The following CLEC16A variants were observed in gnomAD, a reference collection of about 807,000 sequenced individuals.
The protein encoded by CLEC16A is C-type lectin domain containing 16A.
In CLEC16A, 51 loss-of-function variants were observed where a neutral mutation model predicts 109.5. The observed-to-expected ratio is 0.47, with a 90% CI of 0.37 to 0.59. CLEC16A has a LOEUF of 0.59. Ranked by LOEUF, CLEC16A falls within the 20% of genes least tolerant of loss-of-function variation. CLEC16A has a pLI of 0.00. For missense variants in CLEC16A, 1,339 were observed against 1,394.0 expected, an observed-to-expected ratio of 0.96 and a Z score of 0.63; for synonymous variants, 673 against 564.2, an observed-to-expected ratio of 1.19 and a Z score of -2.73.
intron 13 of CLEC16A, among the ~76,000 whole-genome samples, chr16:11,029,459 C>CCAGACTCTGCCTTCTCTGAGAGAACCA (rs144576676): frequency 0.021 from 3,191 of 152,242 alleles, 42 homozygotes; most frequent in Non-Finnish European, 0.031. Flanking sequence ...TCCCTGAACT[C>CCAGACTCTGCCTTCTCTGAGAGAACCA]CAGACTCTGC....
intron 19 of CLEC16A, among the ~76,000 whole-genome samples, chr16:11,091,902 G>T (rs947398727): frequency 6.6e-6 from 1 of 152,080 alleles, no homozygotes; most frequent in Non-Finnish European, 1.5e-5. Flanking sequence ...TAAGTAACAG[G>T]TACTCAGCAG....
intron 11 of CLEC16A, among the ~76,000 whole-genome samples, chr16:11,007,830 G>A: frequency 6.6e-6 from 1 of 152,042 alleles, no homozygotes; most frequent in Non-Finnish European, 1.5e-5. Flanking sequence ...GTGTGTAATG[G>A]TGGGAAGAGA....
At chr16:10,998,831 C>T (rs760915541) in intron 10 of CLEC16A, among the ~76,000 whole-genome samples, 2 of 152,030 alleles carry the variant, frequency 1.3e-5, no homozygotes, top group African/African-American at 2.4e-5. Flanking sequence ...GGACAGGGGC[C>T]CTTCTCCTAG....
intron 10 of CLEC16A, among the ~76,000 whole-genome samples, chr16:11,000,129 C>T (rs1313922992): frequency 1.3e-5 from 2 of 152,220 alleles, no homozygotes; most frequent in South Asian, 2.1e-4. Context: ...TGAGCCACCA[C>T]GCCCGGCCTC....
chr16:10,993,048 T>G (rs2044122774), intron 10 of CLEC16A, among the ~76,000 whole-genome samples: 2 of 151,972 alleles, frequency 1.3e-5, no homozygotes, highest in African/African-American at 4.8e-5. Flanking sequence ...AGGCCAGCAT[T>G]CAAGAAATAT....
chr16:11,165,855 A>C (rs897573838), intron 22 of CLEC16A, among the ~76,000 whole-genome samples: 1 of 152,174 alleles, frequency 6.6e-6, no homozygotes, highest in African/African-American at 2.4e-5. Context: ...GTTGTTCCTG[A>C]ACCTGACTTC....
chr16:11,030,053 T>C (rs1297954888), intron 13 of CLEC16A, among the ~76,000 whole-genome samples: 2 of 152,266 alleles, frequency 1.3e-5, no homozygotes, highest in East Asian at 3.8e-4. Context: ...ATGTTGTGTG[T>C]ATCTGTAGTT....
chr16:11,090,919 C>G (rs1257669182), intron 19 of CLEC16A, among the ~76,000 whole-genome samples: 1 of 151,316 alleles, frequency 6.6e-6, no homozygotes, highest in Non-Finnish European at 1.5e-5. Flanking sequence ...ATCCACCCAC[C>G]TCAGCCTCCC....
At chr16:11,104,583 A>G (rs1335205709) in intron 19 of CLEC16A, among the ~76,000 whole-genome samples, 1 of 152,186 alleles carries the variant, frequency 6.6e-6, no homozygotes, top group Non-Finnish European at 1.5e-5. Flanking sequence ...CAAGGGAAAG[A>G]GAAGATGTAG....
At chr16:11,123,113 A>C (rs1228922634) in intron 20 of CLEC16A, among the ~76,000 whole-genome samples, 1 of 151,986 alleles carries the variant, frequency 6.6e-6, no homozygotes, top group Non-Finnish European at 1.5e-5. Context: ...CCTCTTGGCC[A>C]GGCTGGTCTC....
chr16:11,012,550 A>C (rs187986708), intron 11 of CLEC16A, among the ~76,000 whole-genome samples: 24 of 142,694 alleles, frequency 1.7e-4, no homozygotes, highest in Admixed American at 1.5e-3. Flanking sequence ...AGCCGAGATC[A>C]CGCCACTGCA....
intron 20 of CLEC16A, among the ~76,000 whole-genome samples, chr16:11,121,283 C>T (rs1398356060): frequency 1.3e-5 from 2 of 152,190 alleles, no homozygotes; most frequent in Non-Finnish European, 2.9e-5. Context: ...TAACCCATGC[C>T]GTGTCGGCTA....
At chr16:10,972,481 G>C in intron 5 of CLEC16A, 73 bp from the exon 6 acceptor site, 2 of 1,440,528 alleles carry the variant, frequency 1.4e-6, no homozygotes, top group South Asian at 2.3e-5. Context: ...CACCTTCCCA[G>C]GTCCTAACCC....
At chr16:11,173,413 C>T (rs181316234) in intron 23 of CLEC16A, among the ~76,000 whole-genome samples, 70 of 152,224 alleles carry the variant, frequency 4.6e-4, no homozygotes, top group Non-Finnish European at 9.0e-4. Context: ...ATGCTCCCGA[C>T]GTTTTTATTT....
chr16:10,989,375 C>T (rs903089246), intron 10 of CLEC16A, among the ~76,000 whole-genome samples: 1 of 152,098 alleles, frequency 6.6e-6, no homozygotes, highest in African/African-American at 2.4e-5. Context: ...CACATGCCAC[C>T]ATGCCCAGAT....
chr16:11,059,132 G>A (rs1281016609), intron 18 of CLEC16A, among the ~76,000 whole-genome samples: 1 of 152,124 alleles, frequency 6.6e-6, no homozygotes, highest in Non-Finnish European at 1.5e-5. Context: ...TCTCAGCTCT[G>A]TTTCTTCCTC....
chr16:11,169,297 G>T (rs1184901313), intron 23 of CLEC16A, among the ~76,000 whole-genome samples: 1 of 152,000 alleles, frequency 6.6e-6, no homozygotes, highest in Non-Finnish European at 1.5e-5. Context: ...GTTTTGTTTT[G>T]TTTTTTTGAG....
At chr16:11,011,234 A>G (rs1188677866) in intron 11 of CLEC16A, among the ~76,000 whole-genome samples, 2 of 152,174 alleles carry the variant, frequency 1.3e-5, no homozygotes, top group Non-Finnish European at 2.9e-5. Context: ...TCACTATCGT[A>G]ATGGGCAGGA....
At chr16:10,966,496 T>C (rs980906295) in intron 3 of CLEC16A, among the ~76,000 whole-genome samples, 1 of 152,218 alleles carries the variant, frequency 6.6e-6, no homozygotes, top group South Asian at 2.1e-4. Context: ...CGTGTGTATA[T>C]GTAAAAATTC....
Sources: allele counts gnomAD v4.1 joint callset (sites outside exome capture counted in the v4.1 genomes callset), GRCh38; gene constraint gnomAD v4.1.1; transcripts MANE v1.5; gene names NCBI Gene and HGNC (gene_info 2026-07-23, HGNC 2026-07-21).